Variants in NEK9 observed in about 807,000 individuals in gnomAD.
The protein encoded by NEK9 is NIMA related kinase 9.
A neutral mutation model predicts 123.4 loss-of-function variants in NEK9; 75 were observed. The observed-to-expected ratio is 0.61, with a 90% confidence interval of 0.50 to 0.74. The LOEUF (loss-of-function observed/expected upper bound fraction) is 0.74. NEK9 is among the 30% of genes least tolerant of loss of function. The pLI is 0.00. For synonymous variants in NEK9, 438 were observed against 458.7 expected (o/e 0.95, Z 0.58); for missense variants, 952 against 1,214.4 (o/e 0.78, Z 3.21).
intron 8 of NEK9, among the ~76,000 whole-genome samples, chr14:75,111,979 G>A (rs1042258100): frequency 6.6e-6 from 1 of 152,166 alleles, no homozygotes; most frequent in Non-Finnish European, 1.5e-5. Flanking sequence ...TGCTTCACCA[G>A]ACCAAAAGGG....
chr14:75,107,342 C>A lies in NEK9; in HGVS notation c.1327+1G>T, dbSNP rs1327520738. On this transcript the variant is annotated splice_donor_variant, in intron 11 of 21. Transcript: ENST00000238616. LOFTEE classifies it high-confidence loss of function. ...TAAGACACTTTCTGCTGATGGCTTA[C>A]CAGTCACACAGACAGTGAAATCATC... 1 of 1,611,758 alleles carries A rather than the reference C, an allele frequency of 6.2e-7. No homozygotes were observed. Among genetic ancestry groups the A allele is most frequent in the Non-Finnish European group, 8.5e-7 (1 of 1,179,148 alleles).
At position 75,107,366 on chromosome 14, in the gene NEK9, T is replaced by C. The variant is rs750787010; in HGVS notation, c.1304A>G (p.Asp435Gly). 2.5e-6 allele frequency: 4 copies of C among 1,613,542 alleles called. No homozygotes were observed. Among genetic ancestry groups the C allele is most frequent in the African/African-American group, 1.3e-5 (1 of 74,838 alleles). Residue 435 changes from aspartate to glycine, a missense_variant, in exon 11 of 22, where the codon GAT (aspartate) becomes GGT (glycine). This residue lies in a region of NEK9 where 698 missense variants were observed against 875.6 expected (regional missense o/e 0.80). Transcript: ENST00000238616. ...ACCAGTCACACAGACAGTGAAATCA[T>C]CACCACATGACACCTGACGGATAGC... ...GKAIRQVSCG[D>G]DFTVCVTDEG...
chr14:75,093,293 C>T (rs1894277700), intron 18 of NEK9, among the ~76,000 whole-genome samples: 1 of 152,204 alleles, frequency 6.6e-6, no homozygotes, highest in African/African-American at 2.4e-5. Flanking sequence ...CACTGCTGAA[C>T]TAGAGCATTA....
intron 7 of NEK9, 39 bp downstream of exon 7, chr14:75,114,164 G>T: frequency 7.1e-7 from 1 of 1,416,570 alleles, no homozygotes; most frequent in Non-Finnish European, 1.0e-6. Flanking sequence ...GCTGGAAGGG[G>T]AAATACGAAA....
At position 75,084,214 on chromosome 14, in the gene NEK9, A is replaced by G; in HGVS notation, c.*350T>C. 1 of 211,220 alleles carries G rather than the reference A, an allele frequency of 4.7e-6. No homozygotes were observed. Among genetic ancestry groups the G allele is most frequent in the Non-Finnish European group, 9.8e-6 (1 of 101,972 alleles). The allele number at this position is 211,220 out of a possible 1,614,324, so 13.1% of individuals were successfully genotyped here. On this transcript the variant is annotated 3_prime_UTR_variant, in exon 22 of 22. Transcript: ENST00000238616. ...CAGCTTCCAATCAATGGTGAAAATG[A>G]TACATGGGATATAAGCTGCTACCAG...
Position 75,095,392 on chromosome 14 carries a change from C to T in NEK9, c.2213G>A (p.Ser738Asn), listed in dbSNP as rs1894349908. 3 of 1,613,466 alleles carry T rather than the reference C, an allele frequency of 1.9e-6. No individual in the cohort carries two copies. The highest frequency in any genetic ancestry group is 2.5e-6 in the Non-Finnish European group (3 of 1,179,554). Reference sequence around the variant, plus strand: ...CTTACCAGTTCCAATGGATAAGCCACTGCTATTGGAACGGATGGTCTTAGA... The same window carrying T: ...CTTACCAGTTCCAATGGATAAGCCATTGCTATTGGAACGGATGGTCTTAGA... ...LNSKTIRSNSSGLSIGTVFQS... is the reference protein window; with the variant it reads ...LNSKTIRSNSNGLSIGTVFQS... Residue 738 changes from serine to asparagine, a missense_variant, in exon 18 of 22, where the codon AGT becomes AAT. Physicochemically the swap from Ser to Asn is conservative, Grantham distance 46. This residue lies in a region of NEK9 where 698 missense variants were observed against 875.6 expected (regional missense o/e 0.80). Transcript: ENST00000238616.
rs149468885 is a variant in NEK9 at position 75,091,441 on chromosome 14, G to A, written c.2271C>T (p.Gly757=). 1,187 of 1,605,284 alleles carry A rather than the reference G, an allele frequency of 7.4e-4. 12 individuals carry two copies. The African/African-American group carries it at 0.013, about 17-fold the overall frequency. ...QSSSPGGGGG[G]GGGEEEDSQQ... Reference sequence around the variant, plus strand: ...GACTGTCCTCTTCTTCACCACCGCCGCCCCCGCCGCCTCCTCCCGGGCTAG... The same window carrying A: ...GACTGTCCTCTTCTTCACCACCGCCACCCCCGCCGCCTCCTCCCGGGCTAG... The change falls in exon 19 of 22, where the codon GGC becomes GGT. Residue 757 remains glycine (G), a synonymous_variant. Transcript: ENST00000238616.
At chr14:75,101,857 A>C in intron 14 of NEK9, 92 bp from the exon 15 acceptor site, 1 of 811,940 alleles carries the variant, frequency 1.2e-6, no homozygotes, top group East Asian at 2.4e-5. Flanking sequence ...GGTGACCAAA[A>C]GGCCTTTCAA....
At chr14:75,104,609 A>G (rs1174816856) in intron 13 of NEK9, among the ~76,000 whole-genome samples, 1 of 151,532 alleles carries the variant, frequency 6.6e-6, no homozygotes, top group Non-Finnish European at 1.5e-5. Context: ...CAGCCTCTTG[A>G]GTAGCTGGGA....
At position 75,111,727 on chromosome 14, in the gene NEK9, C is replaced by T. The variant is rs767680236; in HGVS notation, c.939-1356G>A. Among the ~76,000 whole-genome samples the T allele has an allele frequency of 7.2e-5, 11 of 152,044 alleles. 1 individual carries two copies. The highest frequency in any genetic ancestry group is 7.2e-4 in the Admixed American group (11 of 15,278). On this transcript the variant is annotated intron_variant, in intron 8 of 21. Coordinates refer to ENST00000238616, the MANE Select transcript of NEK9 (RefSeq NM_033116.6). The stretch of plus-strand genomic sequence containing the variant: ...CCAACGTAGTAAAACCTTGTCTCTA[C>T]TAAAAATACAAAAACTAGCCAGGCG...
Position 75,126,858 on chromosome 14 carries a change from A to T in NEK9, c.64T>A (p.Ser22Thr). ...DSINSDFGSE[S>T]GGCGDSSPGP... ...GGACTCGAGTCCCCGCAACCCCCGG[A>T]CTCGCTCCCAAAGTCCGAGTTGATG... Residue 22 changes from serine (S) to threonine (T), a missense_variant, in exon 1 of 22, where the codon TCC becomes ACC. Transcript: ENST00000238616. 1.3e-6 allele frequency: 2 copies of T among 1,529,722 alleles called. No individual in the cohort carries two copies. The highest frequency in any genetic ancestry group is 4.1e-5 in the Admixed American group (2 of 48,968). The allele number at this position is 1,529,722 out of a possible 1,614,324, so 94.8% of individuals were successfully genotyped here.
In NEK9 at chr14:75,124,080, A is replaced by AT; in HGVS notation, c.362dup (p.Asn121LysfsTer7). On this transcript the variant is annotated frameshift_variant, in exon 2 of 22. Coordinates refer to ENST00000238616, the MANE Select transcript of NEK9 (RefSeq NM_033116.6). LOFTEE classifies it high-confidence loss of function. ...ATTCCAGCTCAATCAGCAGCGTGGT[A>AT]TTGTCCATGAAGTGATTGTAGTAGG... The AT allele has an allele frequency of 6.2e-7, 1 of 1,613,818 alleles. No individual in the cohort carries two copies. Among genetic ancestry groups the AT allele is most frequent in the Non-Finnish European group, 8.5e-7 (1 of 1,179,742 alleles).
chr14:75,095,471 T>C (rs539888326), intron 17 of NEK9, 40 bp from the exon 18 acceptor site: 3 of 1,382,204 alleles, frequency 2.2e-6, no homozygotes, highest in East Asian at 2.3e-5. Flanking sequence ...TGTATACTGA[T>C]ATAGGCAAGA....
At chr14:75,111,060 A>G (rs1894943367) in intron 8 of NEK9, among the ~76,000 whole-genome samples, 1 of 152,162 alleles carries the variant, frequency 6.6e-6, no homozygotes, top group Admixed American at 6.5e-5. Flanking sequence ...TAATATTGCC[A>G]AATAACTCTT....
chr14:75,109,452 T>C (rs1375695264), intron 10 of NEK9, among the ~76,000 whole-genome samples: 1 of 152,132 alleles, frequency 6.6e-6, no homozygotes, highest in African/African-American at 2.4e-5. Flanking sequence ...TTTCTCTCCC[T>C]CTCTCATTCA....
chr14:75,086,915 T>G lies in NEK9; in HGVS notation c.2817+103A>C, dbSNP rs192330422. 480 of 1,227,312 alleles carry G rather than the reference T, an allele frequency of 3.9e-4. No homozygotes were observed. The African/African-American group carries it at 6.6e-3, about 17-fold the overall frequency. The allele number at this position is 1,227,312 out of a possible 1,614,324, so 76.0% of individuals were successfully genotyped here. On this transcript the variant is annotated intron_variant, in intron 21 of 21. Coordinates refer to ENST00000238616, the MANE Select transcript of NEK9 (RefSeq NM_033116.6). ...GCGAGACTCCGTCTCAAAAAAAAAGTAAGGACCTGCAAAGGAACAAGTCTA... is the reference window on the plus strand; with the variant it reads ...GCGAGACTCCGTCTCAAAAAAAAAGGAAGGACCTGCAAAGGAACAAGTCTA...
rs1225809635 is a variant in NEK9 at position 75,115,468 on chromosome 14, A to G, written c.763-1155T>C. Among the ~76,000 whole-genome samples the G allele has an allele frequency of 7.9e-5, 12 of 152,214 alleles. No homozygotes were observed. In the East Asian group the frequency reaches 2.1e-3, roughly 27 times the overall value. On this transcript the variant is annotated intron_variant, in intron 6 of 21. Coordinates refer to ENST00000238616, the MANE Select transcript of NEK9 (RefSeq NM_033116.6). ...CCATACTATTTAGGAGAATTAGATG[A>G]TATACTAGAACAACCTTCAGGATTT...
At chr14:75,095,231 A>G in intron 18 of NEK9, 141 bp downstream of exon 18, 1 of 579,206 alleles carries the variant, frequency 1.7e-6, no homozygotes, top group South Asian at 2.6e-5. Context: ...CAAACAAAAT[A>G]TGATCTTCTC....
intron 21 of NEK9, among the ~76,000 whole-genome samples, chr14:75,086,113 C>A (rs1030694569): frequency 6.6e-6 from 1 of 151,146 alleles, no homozygotes; most frequent in Non-Finnish European, 1.5e-5. Flanking sequence ...CACTTGAACC[C>A]GGGCGGTGGA....
Sources: gnomAD v4.1 joint callset for allele counts (sites outside exome capture counted in the v4.1 genomes callset) on GRCh38, gnomAD v4.1.1 for gene constraint, gnomAD v4.1.1 regional missense constraint, MANE v1.5 for transcripts, NCBI Gene and HGNC (gene_info 2026-07-23, HGNC 2026-07-21) for gene names.